The following TENM2 variants were observed in gnomAD, a reference collection of about 807,000 sequenced individuals.
TENM2 encodes the protein teneurin-2.
Under a neutral mutation model 245.2 loss-of-function variants are expected in TENM2, and 52 were observed. That is an observed-to-expected ratio of 0.21 (90% CI 0.17 to 0.27). The LOEUF (loss-of-function observed/expected upper bound fraction) is 0.27, where lower values mean the gene tolerates loss of function less well. Among genes scored for constraint, TENM2 ranks in the 10% least tolerant of loss-of-function variants. The pLI, the probability that TENM2 is intolerant of heterozygous loss-of-function variation, is 1.00. For missense variants in TENM2, 3,046 were observed against 3,666.8 expected (o/e 0.83, Z 4.37); for synonymous variants, 1,363 against 1,438.9 (o/e 0.95, Z 1.19).
At chr5:167,539,391 A>T (rs1772051308) in intron 2 of TENM2, among the ~76,000 whole-genome samples, 1 of 151,700 alleles carries the variant, frequency 6.6e-6, no homozygotes, top group African/African-American at 2.4e-5. Context: ...GCATGCAATT[A>T]ATGAAATTCA....
At chr5:167,867,273 A>G (rs1772401116) in intron 2 of TENM2, among the ~76,000 whole-genome samples, 1 of 152,008 alleles carries the variant, frequency 6.6e-6, no homozygotes, top group Admixed American at 6.5e-5. Context: ...AACAGACCCT[A>G]CTCTCCATCT....
At chr5:168,179,740 G>A (rs945098445) in intron 13 of TENM2, among the ~76,000 whole-genome samples, 1 of 152,146 alleles carries the variant, frequency 6.6e-6, no homozygotes, top group African/African-American at 2.4e-5. Context: ...GTGACCATAG[G>A]TGAATTATTT....
chr5:168,230,211 T>A (rs888888695), intron 25 of TENM2, among the ~76,000 whole-genome samples: 1 of 152,194 alleles, frequency 6.6e-6, no homozygotes, highest in Non-Finnish European at 1.5e-5. Flanking sequence ...GTTTTATCTA[T>A]CAACACCTCA....
chr5:168,207,337 T>C (rs1762428834), intron 19 of TENM2, among the ~76,000 whole-genome samples: 1 of 152,090 alleles, frequency 6.6e-6, no homozygotes, highest in Non-Finnish European at 1.5e-5. Flanking sequence ...GTCTCTCGAG[T>C]TGTGGAGGCC....
At chr5:168,262,319 A>G (rs1406053575) in exon 29 of TENM2, 5 of 1,610,122 alleles carry the variant, frequency 3.1e-6, no homozygotes, top group African/African-American at 1.3e-5. Flanking sequence ...GATGCACTAC[A>G]GCATCGAGGG....
the TENM2 span, among the ~76,000 whole-genome samples, chr5:167,266,741 G>T: frequency 1.3e-5 from 2 of 152,162 alleles, no homozygotes; most frequent in Admixed American, 6.5e-5. Context: ...CAAGTACCTC[G>T]TGTGTTGCAG....
At chr5:167,681,763 A>G (rs1220634778) in intron 2 of TENM2, among the ~76,000 whole-genome samples, 2 of 152,172 alleles carry the variant, frequency 1.3e-5, no homozygotes, top group Non-Finnish European at 2.9e-5. Context: ...TTAGTGTAGG[A>G]GTACCCAGTT....
intron 2 of TENM2, among the ~76,000 whole-genome samples, chr5:167,695,799 C>G (rs1339921459): frequency 2.0e-5 from 3 of 151,224 alleles, no homozygotes; most frequent in African/African-American, 7.3e-5. Flanking sequence ...CTTTGGGAGG[C>G]CGAGGTGGGC....
chr5:167,674,136 A>G (rs894674014), intron 2 of TENM2, among the ~76,000 whole-genome samples: 1 of 152,146 alleles, frequency 6.6e-6, no homozygotes, highest in Non-Finnish European at 1.5e-5. Flanking sequence ...CAGGGTGTGT[A>G]GCTATGCATG....
At chr5:168,164,019 T>C (rs1562235838) in intron 13 of TENM2, among the ~76,000 whole-genome samples, 1 of 152,150 alleles carries the variant, frequency 6.6e-6, no homozygotes, top group Non-Finnish European at 1.5e-5. Flanking sequence ...ATGAGGAGCA[T>C]GAGAATTTCT....
the TENM2 span, among the ~76,000 whole-genome samples, chr5:167,095,725 C>T: frequency 2.7e-5 from 4 of 150,748 alleles, no homozygotes; most frequent in African/African-American, 9.7e-5. Flanking sequence ...GAAACCACTA[C>T]TCAAAACAAG....
At chr5:167,476,480 G>A (rs1767383343) in intron 2 of TENM2, among the ~76,000 whole-genome samples, 1 of 152,224 alleles carries the variant, frequency 6.6e-6, no homozygotes, top group African/African-American at 2.4e-5. Flanking sequence ...AGGTCTTGAA[G>A]TGTTGGGAAA....
At chr5:168,006,489 C>T (rs1288203565) in intron 5 of TENM2, among the ~76,000 whole-genome samples, 2 of 152,170 alleles carry the variant, frequency 1.3e-5, no homozygotes. Context: ...TCACCATAGC[C>T]TTGGAATCCT....
At position 167,726,519 on chromosome 5, in the gene TENM2, C is replaced by A. The variant is rs370212639; in HGVS notation, c.503-149467C>A. ...CTGTGGCCAGGCTAGAGTGCAGTGGCATGATCATTGCTCACTGTAGACTTG... is the reference window on the plus strand; with the variant it reads ...CTGTGGCCAGGCTAGAGTGCAGTGGAATGATCATTGCTCACTGTAGACTTG... On this transcript the variant is annotated intron_variant, in intron 2 of 28. Transcript: ENST00000518659. 1.5e-4 allele frequency among the ~76,000 whole-genome samples: 23 copies of A among 152,270 alleles called. No individual in the cohort carries two copies. In the East Asian group the frequency reaches 4.4e-3, roughly 29 times the overall value.
intron 2 of TENM2, among the ~76,000 whole-genome samples, chr5:167,815,972 T>TTGTG (rs34151147): frequency 0.027 from 3,857 of 144,084 alleles, 58 homozygotes; most frequent in Middle Eastern, 0.072. Flanking sequence ...TTATGATCCT[T>TTGTG]TGTGTGTGTG....
the TENM2 span, among the ~76,000 whole-genome samples, chr5:167,067,924 A>G: frequency 6.6e-6 from 1 of 152,220 alleles, no homozygotes; most frequent in Admixed American, 6.5e-5. Context: ...GCTCCACTGT[A>G]TAAATTTGCC....
intron 5 of TENM2, among the ~76,000 whole-genome samples, chr5:167,995,764 G>A (rs1784006681): frequency 6.6e-6 from 1 of 152,220 alleles, no homozygotes. Flanking sequence ...TCACTTTGAA[G>A]ATGAAAAGCA....
intron 2 of TENM2, among the ~76,000 whole-genome samples, chr5:167,482,300 G>T (rs1375122001): frequency 6.6e-6 from 1 of 152,100 alleles, no homozygotes; most frequent in African/African-American, 2.4e-5. Flanking sequence ...ACTTTGAGAA[G>T]TAGTTTCCCA....
chr5:167,413,493 C>T (rs988318218), intron 2 of TENM2, among the ~76,000 whole-genome samples: 1 of 152,066 alleles, frequency 6.6e-6, no homozygotes, highest in Non-Finnish European at 1.5e-5. Context: ...TCCATGCTTA[C>T]GAGGCTGGTT....
Sources: gnomAD v4.1 joint callset for allele counts (sites outside exome capture counted in the v4.1 genomes callset) on GRCh38, gnomAD v4.1.1 for gene constraint, MANE v1.5 for transcripts, NCBI Gene and HGNC (gene_info 2026-07-23, HGNC 2026-07-21) for gene names.